Variants in ARHGAP26 observed in about 807,000 individuals in gnomAD.
The protein encoded by ARHGAP26 is Rho GTPase activating protein 26, also known as rho GTPase-activating protein 26.
A neutral mutation model predicts 104.8 loss-of-function variants in ARHGAP26; 38 were observed. The observed-to-expected ratio is 0.36, with a 90% CI of 0.28 to 0.48. The LOEUF (loss-of-function observed/expected upper bound fraction) is 0.48. ARHGAP26 is among the 20% of genes least tolerant of loss of function. The pLI, the probability that ARHGAP26 is intolerant of heterozygous loss-of-function variation, is 0.99. For synonymous variants in ARHGAP26, 341 were observed against 340.0 expected (o/e 1.00, Z -0.03); for missense variants, 704 against 947.9 (o/e 0.74, Z 3.38).
chr5:142,932,223 G>C, intron 11 of ARHGAP26, 98 bp downstream of exon 11: 2 of 1,161,242 alleles, frequency 1.7e-6, no homozygotes, highest in Non-Finnish European at 2.6e-6. Flanking sequence ...TAAAGCCTTG[G>C]GTTCTTGAAA....
At chr5:142,814,924 T>G (rs1347169677) in intron 1 of ARHGAP26, among the ~76,000 whole-genome samples, 1 of 152,214 alleles carries the variant, frequency 6.6e-6, no homozygotes, top group Admixed American at 6.5e-5. Context: ...TGTAGGATGA[T>G]TGAGAGGCTG....
chr5:142,961,036 C>G (rs548897396), intron 11 of ARHGAP26, among the ~76,000 whole-genome samples: 1 of 152,290 alleles, frequency 6.6e-6, no homozygotes, highest in Non-Finnish European at 1.5e-5. Flanking sequence ...AAATCACCTG[C>G]TTATCTTCTG....
intron 1 of ARHGAP26, among the ~76,000 whole-genome samples, chr5:142,833,319 C>A (rs829556): frequency 6.6e-6 from 1 of 151,926 alleles, no homozygotes; most frequent in African/African-American, 2.4e-5. Flanking sequence ...CCTCAGCCTC[C>A]CAAAGTGCTA....
chr5:143,120,454 G>A (rs756300333), intron 17 of ARHGAP26, among the ~76,000 whole-genome samples: 6 of 152,102 alleles, frequency 3.9e-5, no homozygotes, highest in South Asian at 2.1e-4. Flanking sequence ...TAATCTGATC[G>A]GCCTTTAATA....
At chr5:142,926,085 TTC>T (rs1763862423) in intron 10 of ARHGAP26, among the ~76,000 whole-genome samples, 1 of 152,194 alleles carries the variant, frequency 6.6e-6, no homozygotes, top group Non-Finnish European at 1.5e-5. Context: ...CTGGTTGTGA[TTC>T]TGTTTGCTCT....
intron 10 of ARHGAP26, among the ~76,000 whole-genome samples, chr5:142,930,593 C>T (rs550988166): frequency 0.032 from 4,851 of 152,030 alleles, 99 homozygotes; most frequent in Middle Eastern, 0.058. Context: ...CCACATACAA[C>T]CCCACTCCCC....
chr5:143,179,768 G>A (rs183856761), intron 20 of ARHGAP26, among the ~76,000 whole-genome samples: 2 of 152,198 alleles, frequency 1.3e-5, no homozygotes, highest in Admixed American at 6.5e-5. Flanking sequence ...GTTATTGTGG[G>A]GAAAGTCCTG....
At chr5:142,989,948 C>T (rs576114990) in intron 11 of ARHGAP26, among the ~76,000 whole-genome samples, 2 of 150,744 alleles carry the variant, frequency 1.3e-5, no homozygotes, top group African/African-American at 4.9e-5. Flanking sequence ...TCGCTTTTCT[C>T]GAGCAGTATC....
chr5:143,078,068 C>G (rs1455377709), intron 17 of ARHGAP26, among the ~76,000 whole-genome samples: 1 of 152,104 alleles, frequency 6.6e-6, no homozygotes, highest in Non-Finnish European at 1.5e-5. Context: ...TGTGAGTGGA[C>G]AGGAAGAAGG....
chr5:142,772,567 T>G, intron 1 of ARHGAP26: 1 of 363,002 alleles, frequency 2.8e-6, no homozygotes, highest in Non-Finnish European at 5.4e-6. Flanking sequence ...CTTACAGAGG[T>G]GTACTTCATT....
rs151142122 is a variant in ARHGAP26 at position 142,833,858 on chromosome 5, A to T, written c.155-39542A>T. ...ATTTACCTCGTCTTTCTGAAACAAC[A>T]CAAAAATTTCAAACTACCACTTGGA... On this transcript the variant is annotated intron_variant, in intron 1 of 22. Transcript: ENST00000645722. Among the ~76,000 whole-genome samples the T allele has an allele frequency of 9.2e-5, 14 of 152,312 alleles. No homozygotes were observed. In the East Asian group the frequency reaches 2.7e-3, roughly 29 times the overall value.
At chr5:143,148,231 C>T (rs1190497468) in intron 20 of ARHGAP26, among the ~76,000 whole-genome samples, 1 of 152,176 alleles carries the variant, frequency 6.6e-6, no homozygotes, top group Non-Finnish European at 1.5e-5. Context: ...AGACTGTCTT[C>T]AGGGCAGTTG....
At chr5:142,777,791 G>GTGCT (rs1475695895) in intron 1 of ARHGAP26, among the ~76,000 whole-genome samples, 1 of 152,172 alleles carries the variant, frequency 6.6e-6, no homozygotes, top group Non-Finnish European at 1.5e-5. Flanking sequence ...AGTTGTGACT[G>GTGCT]TAGCAGAGTG....
At chr5:143,188,539 A>G (rs1417063505) in intron 20 of ARHGAP26, among the ~76,000 whole-genome samples, 1 of 152,180 alleles carries the variant, frequency 6.6e-6, no homozygotes, top group African/African-American at 2.4e-5. Flanking sequence ...GAGTATATAT[A>G]GTAGAGTACC....
At chr5:142,984,366 G>A (rs936314711) in intron 11 of ARHGAP26, among the ~76,000 whole-genome samples, 2 of 152,212 alleles carry the variant, frequency 1.3e-5, no homozygotes, top group African/African-American at 4.8e-5. Flanking sequence ...ACATTGTACA[G>A]TCCATTAGCA....
intron 14 of ARHGAP26, among the ~76,000 whole-genome samples, chr5:143,044,074 T>C (rs2150166242): frequency 6.6e-6 from 1 of 152,268 alleles, no homozygotes; most frequent in East Asian, 1.9e-4. Context: ...CCAAGGTGTT[T>C]GGGGTTTTTT....
intron 12 of ARHGAP26, among the ~76,000 whole-genome samples, chr5:143,031,555 C>T (rs17650523): frequency 4.0e-5 from 6 of 150,326 alleles, no homozygotes; most frequent in Admixed American, 2.0e-4. Context: ...TATAATTTTC[C>T]GACCACCTAC....
At chr5:143,188,297 G>A (rs1304451486) in intron 20 of ARHGAP26, among the ~76,000 whole-genome samples, 1 of 152,118 alleles carries the variant, frequency 6.6e-6, no homozygotes, top group Non-Finnish European at 1.5e-5. Context: ...TCCCATCTCT[G>A]GTTGCTCATC....
chr5:142,949,541 G>T (rs1159131349), intron 11 of ARHGAP26, among the ~76,000 whole-genome samples: 1 of 152,126 alleles, frequency 6.6e-6, no homozygotes, highest in Admixed American at 6.5e-5. Context: ...TGTTTCCTTG[G>T]ATAGGTATCA....
Sources: gnomAD v4.1 joint callset for allele counts (sites outside exome capture counted in the v4.1 genomes callset) on GRCh38, gnomAD v4.1.1 for gene constraint, MANE v1.5 for transcripts, NCBI Gene and HGNC (gene_info 2026-07-23, HGNC 2026-07-21) for gene names.